TKT: variants seen among roughly 807,000 people sequenced by gnomAD.
TKT encodes the protein transketolase, also known as epididymis luminal protein 107.
A neutral mutation model predicts 63.9 loss-of-function variants in TKT; 47 were observed. That is an observed-to-expected ratio of 0.74 (90% CI 0.58 to 0.94). TKT has a LOEUF of 0.94. TKT is among the 40% of genes least tolerant of loss of function. The probability of loss-of-function intolerance (pLI) is 0.00; values close to 1 mark genes in which losing one functional copy is unlikely to be tolerated. For missense variants in TKT, 721 were observed against 846.2 expected, an observed-to-expected ratio of 0.85 and a Z score of 1.84; for synonymous variants, 338 against 334.1, an observed-to-expected ratio of 1.01 and a Z score of -0.13.
At chr3:53,227,107 C>T (rs531668662) in intron 12 of TKT, 5 of 530,764 alleles carry the variant, frequency 9.4e-6, no homozygotes, top group Middle Eastern at 5.1e-4. Context: ...CCGCAGTATC[C>T]AAGAACCCAG....
At chr3:53,232,292 A>C (rs141744588) in intron 6 of TKT, 13 of 398,772 alleles carry the variant, frequency 3.3e-5, no homozygotes, top group Non-Finnish European at 4.9e-5. Context: ...CACCAAAGCC[A>C]TGACAATATC....
intron 2 of TKT, chr3:53,241,887 C>T (rs1705295842): frequency 3.8e-6 from 2 of 525,718 alleles, no homozygotes; most frequent in Admixed American, 3.2e-5. Flanking sequence ...TGAGTTAAAG[C>T]GTTGTTTATG....
intron 4 of TKT, among the ~76,000 whole-genome samples, chr3:53,239,205 G>A (rs1340934858): frequency 1.3e-5 from 2 of 152,156 alleles, no homozygotes; most frequent in African/African-American, 4.8e-5. Context: ...CTAGCCATGT[G>A]GAACTGTAAG....
intron 6 of TKT, chr3:53,231,857 ACCAATGTGT>A (rs1704778996): frequency 2.5e-6 from 1 of 398,608 alleles, no homozygotes; most frequent in African/African-American, 2.0e-5. Flanking sequence ...CCATCCCTTC[ACCAATGTGT>A]CCATTCTCTT....
chr3:53,242,242 G>A lies in TKT; in HGVS notation c.108C>T (p.Gly36=), dbSNP rs879953229. Residue 36 remains glycine (G), a splice_region_variant and synonymous_variant, in exon 2 of 14, where the codon GGC becomes GGT. Coordinates refer to ENST00000462138, the MANE Select transcript of TKT (RefSeq NM_001064.4). The part of the protein sequence containing the change: ...SIQATTAAGS[G]HPTSCCSAAE... The stretch of plus-strand genomic sequence containing the variant: ...CGGCGCTGCAGCATGACGTGGGGTG[G>A]CTGTGGCCCAGGAGAGAAGACAGAC... The A allele has an allele frequency of 2.5e-6, 4 of 1,613,780 alleles. No individual in the cohort carries two copies. Among genetic ancestry groups the A allele is most frequent in the South Asian group, 1.1e-5 (1 of 91,088 alleles).
chr3:53,233,245 C>T lies in TKT; in HGVS notation c.659G>A (p.Ser220Asn). ...GWHAIIVDGHSVEELCKAFGQ... is the reference protein window; with the variant it reads ...GWHAIIVDGHNVEELCKAFGQ... ...AAAGGCCTTGCACAGCTCCTCCACG[C>T]TGTGTCCATCCACGATGATGGCATG... Residue 220 changes from serine (S) to asparagine (N), a missense_variant, in exon 6 of 14, where the codon AGC becomes AAC. Coordinates refer to ENST00000462138, the MANE Select transcript of TKT (RefSeq NM_001064.4). 1 of 1,613,124 alleles carries T rather than the reference C, an allele frequency of 6.2e-7. No homozygotes were observed. The highest frequency in any genetic ancestry group is 8.5e-7 in the Non-Finnish European group (1 of 1,179,638).
At chr3:53,232,487 C>A (rs1237544323) in intron 6 of TKT, 11 of 398,790 alleles carry the variant, frequency 2.8e-5, no homozygotes, top group Non-Finnish European at 4.4e-5. Context: ...GGATCAGCCC[C>A]CCTCGTGCCA....
At chr3:53,250,806 C>T (rs1553681535) in intron 1 of TKT, among the ~76,000 whole-genome samples, 1 of 152,002 alleles carries the variant, frequency 6.6e-6, no homozygotes, top group African/African-American at 2.4e-5. Flanking sequence ...TTTTAAGAGC[C>T]AGGGTTTCAC....
chr3:53,230,110 G>A (rs1322007991), intron 8 of TKT, among the ~76,000 whole-genome samples: 1 of 152,068 alleles, frequency 6.6e-6, no homozygotes, highest in African/African-American at 2.4e-5. Context: ...ACAGACTCGG[G>A]CTGCTAAACC....
At chr3:53,236,218 T>C (rs1228588935) in intron 4 of TKT, among the ~76,000 whole-genome samples, 1 of 152,216 alleles carries the variant, frequency 6.6e-6, no homozygotes, top group African/African-American at 2.4e-5. Context: ...GCTGCCCTCC[T>C]GCTCCTGCAG....
intron 1 of TKT, among the ~76,000 whole-genome samples, chr3:53,252,655 T>C (rs2106735151): frequency 6.6e-6 from 1 of 152,274 alleles, no homozygotes; most frequent in African/African-American, 2.4e-5. Context: ...GAAATCAGAC[T>C]TTGCCTAACA....
At chr3:53,230,432 T>C (rs1192997527) in intron 8 of TKT, 25 bp downstream of exon 8, 4 of 1,613,884 alleles carry the variant, frequency 2.5e-6, no homozygotes, top group Admixed American at 3.3e-5. Context: ...TGGGTGGACC[T>C]GTCCCTGCCG....
intron 1 of TKT, among the ~76,000 whole-genome samples, chr3:53,255,469 G>T (rs782304489): frequency 5.3e-5 from 8 of 152,180 alleles, no homozygotes; most frequent in Non-Finnish European, 1.0e-4. Flanking sequence ...GCGTTCTGTA[G>T]AACAGCAGTA....
intron 1 of TKT, among the ~76,000 whole-genome samples, chr3:53,246,851 CAA>C (rs11305678): frequency 2.3e-3 from 305 of 133,660 alleles, no homozygotes; most frequent in African/African-American, 4.3e-3. Flanking sequence ...AACTCCGTCT[CAA>C]AAAAAAAAAA....
rs1553678224 is a variant in TKT, at chr3:53,235,075, C to T, written c.537G>A (p.Val179=). The part of the protein sequence containing the change: ...FASIYKLDNL[V]AILDINRLGQ... ...CCAGGCGATTGATGTCTAGAATGGC[C>T]ACAAGGTTGTCCAGCTTATAGATGC... The change falls in exon 5 of 14, where the codon GTG becomes GTA. Residue 179 remains valine, a synonymous_variant. Coordinates refer to ENST00000462138, the MANE Select transcript of TKT (RefSeq NM_001064.4). 1 of 1,614,016 alleles carries T rather than the reference C, an allele frequency of 6.2e-7. No homozygotes were observed. The highest frequency in any genetic ancestry group is 1.3e-5 in the African/African-American group (1 of 75,044).
At chr3:53,230,335 T>G in intron 8 of TKT, 122 bp downstream of exon 8, 1 of 1,321,894 alleles carries the variant, frequency 7.6e-7, no homozygotes, top group Non-Finnish European at 1.1e-6. Context: ...CTGGCTTTTC[T>G]TATAGTCTCC....
At chr3:53,228,946 C>G (rs1250077997) in intron 10 of TKT, 61 bp downstream of exon 10, 1 of 1,602,396 alleles carries the variant, frequency 6.2e-7, no homozygotes, top group African/African-American at 1.3e-5. Flanking sequence ...CTGGCCTCCT[C>G]TTCTGTTTCC....
chr3:53,249,952 G>A (rs1344393322), intron 1 of TKT, among the ~76,000 whole-genome samples: 1 of 152,230 alleles, frequency 6.6e-6, no homozygotes, highest in Admixed American at 6.5e-5. Flanking sequence ...GACAATGAAT[G>A]TTGAGGGGTC....
At chr3:53,227,964 C>T in intron 12 of TKT, 92 bp downstream of exon 12, 1 of 1,128,198 alleles carries the variant, frequency 8.9e-7, no homozygotes. Flanking sequence ...GTGAGCTCTT[C>T]AAGAAAGAAC....
Sources: gnomAD v4.1 joint callset for allele counts (sites outside exome capture counted in the v4.1 genomes callset) on GRCh38, gnomAD v4.1.1 for gene constraint, MANE v1.5 for transcripts, NCBI Gene and HGNC (gene_info 2026-07-23, HGNC 2026-07-21) for gene names.